The following SH3RF3 variants were observed in gnomAD, a reference collection of about 807,000 sequenced individuals.
SH3RF3 encodes SH3 domain containing ring finger 3.
In SH3RF3, 29 loss-of-function variants were observed where a neutral mutation model predicts 66.3. The observed-to-expected ratio is 0.44, with a 90% CI of 0.33 to 0.60. SH3RF3 has a LOEUF of 0.60. SH3RF3 is among the 20% of genes least tolerant of loss of function. SH3RF3 has a pLI of 0.04. For synonymous variants in SH3RF3, 583 were observed against 532.0 expected, an observed-to-expected ratio of 1.10 and a Z score of -1.32; for missense variants, 1,194 against 1,190.9, an observed-to-expected ratio of 1.00 and a Z score of -0.04.
chr2:109,167,212 T>A (rs1677650360), intron 1 of SH3RF3, among the ~76,000 whole-genome samples: 1 of 152,248 alleles, frequency 6.6e-6, no homozygotes, highest in Non-Finnish European at 1.5e-5. Flanking sequence ...TTAAAAAGGA[T>A]GATGGCGGAG....
chr2:109,288,900 G>A (rs1335580134), intron 1 of SH3RF3, among the ~76,000 whole-genome samples: 2 of 152,196 alleles, frequency 1.3e-5, no homozygotes, highest in Non-Finnish European at 2.9e-5. Context: ...ACCAGTGTCT[G>A]CAGAGCATAA....
chr2:109,255,223 C>T (rs563658571), intron 1 of SH3RF3, among the ~76,000 whole-genome samples: 1 of 152,270 alleles, frequency 6.6e-6, no homozygotes, highest in South Asian at 2.1e-4. Context: ...CCTGTTGGGG[C>T]TTCGGAATAG....
intron 1 of SH3RF3, 59 bp downstream of exon 1, chr2:109,130,172 TG>T: frequency 8.0e-7 from 1 of 1,248,248 alleles, no homozygotes; most frequent in Non-Finnish European, 1.0e-6. Flanking sequence ...GGTGGGTGCT[TG>T]GGCGTGGGGG....
At chr2:109,438,386 A>G (rs1328772551) in intron 7 of SH3RF3, among the ~76,000 whole-genome samples, 1 of 152,192 alleles carries the variant, frequency 6.6e-6, no homozygotes, top group East Asian at 1.9e-4. Context: ...CAGTGGGTGC[A>G]GGTGGACTTC....
chr2:109,249,523 C>CTTTCTTTCTTTCTTTCTT (rs1680017564), intron 1 of SH3RF3, among the ~76,000 whole-genome samples: 2 of 107,296 alleles, frequency 1.9e-5, no homozygotes, highest in African/African-American at 7.2e-5. Context: ...CTTTCTTTTT[C>CTTTCTTTCTTTCTTTCTT]TTTCTTTCTT....
At chr2:109,232,948 C>G (rs1679548390) in intron 1 of SH3RF3, among the ~76,000 whole-genome samples, 1 of 152,068 alleles carries the variant, frequency 6.6e-6, no homozygotes, top group Non-Finnish European at 1.5e-5. Flanking sequence ...AGGAGAGTTC[C>G]CTTACCCCTT....
intron 1 of SH3RF3, among the ~76,000 whole-genome samples, chr2:109,131,767 C>T (rs1450648271): frequency 6.6e-6 from 1 of 152,182 alleles, no homozygotes; most frequent in Non-Finnish European, 1.5e-5. Flanking sequence ...GTTTTACTCA[C>T]CATATGTTGA....
intron 1 of SH3RF3, among the ~76,000 whole-genome samples, chr2:109,154,628 G>T (rs1294373236): frequency 6.6e-6 from 1 of 152,194 alleles, no homozygotes; most frequent in African/African-American, 2.4e-5. Context: ...CTTTGTCCTG[G>T]CTTCTGGCCT....
intron 3 of SH3RF3, among the ~76,000 whole-genome samples, chr2:109,379,262 A>G (rs2104371238): frequency 6.6e-6 from 1 of 152,354 alleles, no homozygotes; most frequent in East Asian, 1.9e-4. Context: ...TAAGGGTCAG[A>G]GGTTCCCCAG....
Position 109,398,723 on chromosome 2 carries a change from CA to C in SH3RF3, c.1080del (p.Ala362ArgfsTer26), listed in dbSNP as rs779806232. 5 of 1,613,046 alleles carry C rather than the reference CA, an allele frequency of 3.1e-6. No individual in the cohort carries two copies. The highest frequency in any genetic ancestry group is 1.1e-5 in the South Asian group (1 of 90,760). On this transcript the variant is annotated frameshift_variant, in exon 4 of 10. Transcript: ENST00000309415. LOFTEE classifies it high-confidence loss of function. ...GCCCCAAGTCCCACTTTAAGCAGCT[CA>C]GGGGCGGTCAGTGCCTTTCAGCGGC... is the stretch of plus-strand genomic sequence containing the variant. ...SVAPSPTLSSSGAVSAFQRRV... is the reference protein window; with the variant it reads ...SVAPSPTLSSXGAVSAFQRRV...
chr2:109,348,139 G>A (rs190875579), intron 2 of SH3RF3, among the ~76,000 whole-genome samples, 190 bp downstream of exon 2: 20 of 152,092 alleles, frequency 1.3e-4, no homozygotes, highest in South Asian at 1.0e-3. Flanking sequence ...GGTTTTTTTT[G>A]GTTGAATGCT....
At position 109,501,897 on chromosome 2, in the gene SH3RF3, A is replaced by G. The variant is rs980036261; in HGVS notation, c.*226A>G. On this transcript the variant is annotated 3_prime_UTR_variant, in exon 10 of 10. Transcript: ENST00000309415. The stretch of plus-strand genomic sequence containing the variant: ...TGGGATGTTCTTCAAGGAAATGCCC[A>G]CCCCCTCTGTGGAAACTGCAAAGAA... 59 of 512,478 alleles carry G rather than the reference A, an allele frequency of 1.2e-4. No homozygotes were observed. The highest frequency in any genetic ancestry group is 1.1e-3 in the Middle Eastern group (2 of 1,898). The allele number at this position is 512,478 out of a possible 1,614,324, so 31.7% of individuals were successfully genotyped here.
At chr2:109,466,946 T>C (rs1678365924) in intron 8 of SH3RF3, among the ~76,000 whole-genome samples, 1 of 140,322 alleles carries the variant, frequency 7.1e-6, no homozygotes, top group Non-Finnish European at 1.5e-5. Context: ...TGTGTGTGTC[T>C]ATATATCTGT....
In SH3RF3 at chr2:109,328,876, C is replaced by G. The variant is rs73955544; in HGVS notation, c.574-18798C>G. On this transcript the variant is annotated intron_variant, in intron 1 of 9. Transcript: ENST00000309415. ...GAGTGTCAAATATATCCCTGGACTC[C>G]CAGTTGCCTTCTCCATGCTCTGAGC... 8.8e-3 allele frequency among the ~76,000 whole-genome samples: 1,334 copies of G among 152,272 alleles called. 26 individuals carry two copies. The highest frequency in any genetic ancestry group is 0.03 in the African/African-American group (1,257 of 41,540).
At chr2:109,348,469 A>G (rs1435055668) in intron 2 of SH3RF3, among the ~76,000 whole-genome samples, 1 of 152,232 alleles carries the variant, frequency 6.6e-6, no homozygotes, top group Non-Finnish European at 1.5e-5. Context: ...ATCCCTGTGA[A>G]GCAAACATTT....
intron 1 of SH3RF3, among the ~76,000 whole-genome samples, chr2:109,210,083 C>T (rs1678937321): frequency 6.6e-6 from 1 of 152,214 alleles, no homozygotes; most frequent in Admixed American, 6.5e-5. Flanking sequence ...TGGCTTATTT[C>T]ATTTAGCACA....
intron 1 of SH3RF3, among the ~76,000 whole-genome samples, chr2:109,152,573 T>G: frequency 6.6e-6 from 1 of 152,246 alleles, no homozygotes; most frequent in East Asian, 1.9e-4. Flanking sequence ...TTTTGCCTTT[T>G]TATTATTTAC....
chr2:109,190,465 C>T (rs143904167), intron 1 of SH3RF3, among the ~76,000 whole-genome samples: 189 of 152,320 alleles, frequency 1.2e-3, no homozygotes, highest in African/African-American at 4.4e-3. Context: ...TGAGCCACTG[C>T]GCCTGGTCGA....
intron 1 of SH3RF3, among the ~76,000 whole-genome samples, chr2:109,183,724 A>G (rs1313812583): frequency 6.6e-6 from 1 of 152,224 alleles, no homozygotes; most frequent in Non-Finnish European, 1.5e-5. Flanking sequence ...ACTTTCCTAC[A>G]TGGAGCATTT....
Sources: allele counts gnomAD v4.1 joint callset (sites outside exome capture counted in the v4.1 genomes callset), GRCh38; gene constraint gnomAD v4.1.1; transcripts MANE v1.5; gene names NCBI Gene and HGNC (gene_info 2026-07-23, HGNC 2026-07-21).